Variants in FAM13A observed in about 807,000 individuals in gnomAD.
FAM13A encodes the protein family with sequence similarity 13 member A.
Under a neutral mutation model 129.6 loss-of-function variants are expected in FAM13A, and 76 were observed. That is an observed-to-expected ratio of 0.59 (90% CI 0.49 to 0.71). The LOEUF (loss-of-function observed/expected upper bound fraction) is 0.71. Among genes scored for constraint, FAM13A ranks in the 30% least tolerant of loss-of-function variants. FAM13A has a pLI of 0.00. For missense variants in FAM13A, 1,108 were observed against 1,249.3 expected (o/e 0.89, Z 1.70); for synonymous variants, 443 against 449.9 (o/e 0.98, Z 0.20).
intron 3 of FAM13A, among the ~76,000 whole-genome samples, chr4:89,016,334 T>C (rs778686180): frequency 1.2e-4 from 18 of 152,140 alleles, no homozygotes; most frequent in Non-Finnish European, 2.6e-4. Flanking sequence ...TTTAAAAGAA[T>C]CAAAATGTTT....
intron 3 of FAM13A, among the ~76,000 whole-genome samples, chr4:89,006,783 G>A (rs1422522021): frequency 4.6e-5 from 7 of 152,122 alleles, no homozygotes; most frequent in Admixed American, 2.6e-4. Flanking sequence ...GGCTCTCAGC[G>A]GAAGGAGAGC....
chr4:88,934,723 C>T (rs1190466667), intron 5 of FAM13A, among the ~76,000 whole-genome samples: 2 of 152,068 alleles, frequency 1.3e-5, no homozygotes, highest in Non-Finnish European at 2.9e-5. Context: ...CCTATAAAAA[C>T]AAAACTAATG....
chr4:89,047,457 A>C (rs375896501), intron 1 of FAM13A, among the ~76,000 whole-genome samples: 2 of 152,214 alleles, frequency 1.3e-5, no homozygotes, highest in South Asian at 4.1e-4. Context: ...TGGTAGAGTG[A>C]AGAGGTCTGC....
chr4:88,808,341 C>A (rs1728993054), intron 7 of FAM13A, among the ~76,000 whole-genome samples: 1 of 152,070 alleles, frequency 6.6e-6, no homozygotes, highest in African/African-American at 2.4e-5. Flanking sequence ...ACAAAATGCA[C>A]AAACCAGAAT....
At position 88,812,718 on chromosome 4, in the gene FAM13A, A is replaced by G. The variant is rs548305034; in HGVS notation, c.1008-7666T>C. ...ACATAACACTGAAATTCATGAGCTC[A>G]GAGGCTTGTCTCATTTCCAGATTTG... On this transcript the variant is annotated intron_variant, in intron 7 of 23. Coordinates refer to ENST00000264344, the MANE Select transcript of FAM13A (RefSeq NM_014883.4). Among the ~76,000 whole-genome samples, 151 of 152,280 alleles carry G rather than the reference A, an allele frequency of 9.9e-4. 3 individuals are homozygous for G. In the Middle Eastern group the frequency reaches 0.014, roughly 14 times the overall value.
intron 19 of FAM13A, among the ~76,000 whole-genome samples, chr4:88,741,072 G>A (rs1432536530): frequency 6.6e-6 from 1 of 152,192 alleles, no homozygotes; most frequent in Non-Finnish European, 1.5e-5. Context: ...TTCACTGCTG[G>A]TAAGAGTGAA....
chr4:88,917,365 A>G (rs925147973), intron 5 of FAM13A, among the ~76,000 whole-genome samples: 1 of 152,110 alleles, frequency 6.6e-6, no homozygotes, highest in African/African-American at 2.4e-5. Context: ...GCATTAATCT[A>G]TTCACGAGGA....
At chr4:89,020,355 A>G in intron 3 of FAM13A, 105 bp downstream of exon 3, 1 of 725,662 alleles carries the variant, frequency 1.4e-6, no homozygotes, top group Non-Finnish European at 2.2e-6. Flanking sequence ...GGCTTCAAGC[A>G]ATCTTTCTAC....
intron 4 of FAM13A, among the ~76,000 whole-genome samples, chr4:88,951,780 G>A (rs746763486): frequency 1.1e-4 from 17 of 151,876 alleles, no homozygotes; most frequent in African/African-American, 3.4e-4. Context: ...TTTAACCTTC[G>A]ATCACAGCAT....
intron 7 of FAM13A, among the ~76,000 whole-genome samples, chr4:88,810,686 C>G (rs995595141): frequency 6.6e-6 from 1 of 152,136 alleles, no homozygotes; most frequent in Non-Finnish European, 1.5e-5. Context: ...CCCATACTGA[C>G]ATGGGGATTT....
rs531398565 is a variant in FAM13A at position 88,906,462 on chromosome 4, C to T, written c.760G>A (p.Glu254Lys). The change falls in exon 6 of 24, where the codon GAG (glutamate) becomes AAG (lysine). Residue 254 changes from glutamate (E) to lysine (K), a missense_variant and splice_region_variant. Physicochemically the swap from Glu to Lys is moderately conservative, Grantham distance 56. This residue lies in a region of FAM13A where 566 missense variants were observed against 595.7 expected (regional missense o/e 0.95). Coordinates refer to ENST00000264344, the MANE Select transcript of FAM13A (RefSeq NM_014883.4). ...GGCAGGGAGTTCTTATAATAGACCT[C>T]CTACAAAAGAAGTATAAAGGAAACA... ...ENLARLIIVK[E>K]VYYKNSLPIL... is the part of the protein sequence containing the mutation. The T allele has an allele frequency of 2.1e-5, 34 of 1,589,600 alleles. No homozygotes were observed. Among genetic ancestry groups the T allele is most frequent in the Admixed American group, 1.4e-4 (8 of 57,220 alleles).
intron 4 of FAM13A, among the ~76,000 whole-genome samples, chr4:88,969,122 AAAAC>A (rs1395611885): frequency 6.6e-6 from 1 of 152,208 alleles, no homozygotes; most frequent in Non-Finnish European, 1.5e-5. Context: ...ATCTCACAAA[AAAAC>A]AAAATCTCAC....
chr4:88,866,790 G>C (rs146488797), intron 6 of FAM13A, among the ~76,000 whole-genome samples: 1 of 152,244 alleles, frequency 6.6e-6, no homozygotes, highest in African/African-American at 2.4e-5. Context: ...TAAATAGAAT[G>C]TTTTAGAGAG....
intron 7 of FAM13A, among the ~76,000 whole-genome samples, chr4:88,820,544 A>G (rs1731693596): frequency 6.6e-6 from 1 of 152,214 alleles, no homozygotes; most frequent in African/African-American, 2.4e-5. Flanking sequence ...AAATCCTCAC[A>G]TAAGGTCAGA....
chr4:89,027,894 G>A (rs1397747092), intron 2 of FAM13A, among the ~76,000 whole-genome samples: 1 of 152,006 alleles, frequency 6.6e-6, no homozygotes, highest in Non-Finnish European at 1.5e-5. Flanking sequence ...TACTGAGAAG[G>A]CTACACCATT....
intron 1 of FAM13A, among the ~76,000 whole-genome samples, chr4:89,030,611 A>G (rs1203994839): frequency 6.6e-6 from 1 of 152,180 alleles, no homozygotes; most frequent in East Asian, 1.9e-4. Flanking sequence ...TAGTCACCAA[A>G]GAATCCTAAG....
chr4:89,020,324 C>A (rs1037293671), intron 3 of FAM13A, 136 bp downstream of exon 3: 3 of 488,256 alleles, frequency 6.1e-6, no homozygotes, highest in Admixed American at 3.9e-5. Context: ...GCTTGGTTGC[C>A]CACGGTGGTC....
At chr4:88,954,451 T>A (rs1223700823) in intron 4 of FAM13A, among the ~76,000 whole-genome samples, 1 of 152,240 alleles carries the variant, frequency 6.6e-6, no homozygotes, top group Non-Finnish European at 1.5e-5. Context: ...ATGACACTTC[T>A]AAGATGCGTA....
chr4:88,906,219 C>T (rs1208914779), intron 6 of FAM13A, among the ~76,000 whole-genome samples, 160 bp downstream of exon 6: 1 of 152,156 alleles, frequency 6.6e-6, no homozygotes, highest in African/African-American at 2.4e-5. Context: ...ACCCAGGAGG[C>T]AGAGGTTGCA....
Sources: gnomAD v4.1 joint callset for allele counts (sites outside exome capture counted in the v4.1 genomes callset) on GRCh38, gnomAD v4.1.1 for gene constraint, gnomAD v4.1.1 regional missense constraint, MANE v1.5 for transcripts, NCBI Gene and HGNC (gene_info 2026-07-23, HGNC 2026-07-21) for gene names.